NOL4: variants seen among roughly 807,000 people sequenced by gnomAD.
The protein encoded by NOL4 is nucleolar protein 4.
NOL4 carries 17 observed loss-of-function variants against 75.9 expected under a neutral mutation model. The ratio of observed to expected loss-of-function variants is 0.22; its 90% CI spans 0.15 to 0.34. The LOEUF (loss-of-function observed/expected upper bound fraction) is 0.34, where lower values mean the gene tolerates loss of function less well. Among genes scored for constraint, NOL4 ranks in the 10% least tolerant of loss-of-function variants. NOL4 has a pLI of 1.00. For missense variants in NOL4, 614 were observed against 793.5 expected (o/e 0.77, Z 2.72); for synonymous variants, 292 against 289.9 (o/e 1.01, Z -0.07).
chr18:34,016,969 A>C (rs1283584749), intron 6 of NOL4, among the ~76,000 whole-genome samples: 1 of 152,102 alleles, frequency 6.6e-6, no homozygotes, highest in Non-Finnish European at 1.5e-5. Flanking sequence ...TGAGGAAGTG[A>C]TAAAATCATA....
chr18:34,021,209 T>C (rs559473561), intron 5 of NOL4, among the ~76,000 whole-genome samples: 2 of 152,272 alleles, frequency 1.3e-5, no homozygotes, highest in South Asian at 4.1e-4. Flanking sequence ...AAAACAAACA[T>C]GCTATTAAAA....
chr18:33,966,634 T>C (rs1273434311), intron 6 of NOL4, among the ~76,000 whole-genome samples: 2 of 152,114 alleles, frequency 1.3e-5, no homozygotes, highest in Non-Finnish European at 2.9e-5. Flanking sequence ...ATCAGTAGCA[T>C]TTTTACACAC....
chr18:34,034,039 T>G (rs1600330831), intron 5 of NOL4, among the ~76,000 whole-genome samples: 1 of 152,074 alleles, frequency 6.6e-6, no homozygotes, highest in East Asian at 1.9e-4. Flanking sequence ...CGAGAAATGC[T>G]CAAGGCAGTC....
At chr18:34,199,568 C>T (rs2035587136) in intron 1 of NOL4, among the ~76,000 whole-genome samples, 1 of 151,832 alleles carries the variant, frequency 6.6e-6, no homozygotes, top group Admixed American at 6.6e-5. Flanking sequence ...TGTATCCCAG[C>T]CCAAACCATA....
intron 5 of NOL4, among the ~76,000 whole-genome samples, chr18:34,056,343 A>G (rs1457401338): frequency 6.6e-6 from 1 of 152,096 alleles, no homozygotes; most frequent in Non-Finnish European, 1.5e-5. Flanking sequence ...AACGTTTCTG[A>G]GGATGTTTCT....
At chr18:34,024,571 A>G (rs2075251192) in intron 5 of NOL4, among the ~76,000 whole-genome samples, 1 of 151,824 alleles carries the variant, frequency 6.6e-6, no homozygotes, top group Non-Finnish European at 1.5e-5. Flanking sequence ...AAAACAAACA[A>G]CAACAACAAC....
intron 6 of NOL4, among the ~76,000 whole-genome samples, chr18:33,978,602 A>G (rs984788521): frequency 2.0e-5 from 3 of 152,118 alleles, no homozygotes; most frequent in Non-Finnish European, 4.4e-5. Flanking sequence ...GTATTAATTT[A>G]GATGTATAAT....
At chr18:34,143,881 A>AG in intron 1 of NOL4, among the ~76,000 whole-genome samples, 1 of 151,902 alleles carries the variant, frequency 6.6e-6, no homozygotes, top group African/African-American at 2.4e-5. Flanking sequence ...AAAAAAAAAA[A>AG]AAAAACCTGA....
intron 5 of NOL4, among the ~76,000 whole-genome samples, chr18:34,058,507 C>A (rs1444129392): frequency 6.6e-6 from 1 of 152,150 alleles, no homozygotes; most frequent in African/African-American, 2.4e-5. Flanking sequence ...CTAAAATTTT[C>A]TCCTGCTGGC....
At chr18:34,121,416 T>G (rs988503464) in intron 2 of NOL4, 1 of 152,222 alleles carries the variant, frequency 6.6e-6, no homozygotes, top group African/African-American at 2.4e-5. Flanking sequence ...TGTTAAAGTT[T>G]ACCTTTCTTA....
chr18:34,163,368 A>C (rs1462017263), intron 1 of NOL4, among the ~76,000 whole-genome samples: 1 of 151,640 alleles, frequency 6.6e-6, no homozygotes, highest in African/African-American at 2.4e-5. Flanking sequence ...AAATCTCCTT[A>C]AGCTGATAGG....
intron 10 of NOL4, among the ~76,000 whole-genome samples, chr18:33,882,335 C>A (rs1467559701): frequency 6.6e-6 from 1 of 152,024 alleles, no homozygotes; most frequent in African/African-American, 2.4e-5. Flanking sequence ...CCAGAATCTA[C>A]AATGAACTCA....
chr18:34,181,222 C>T (rs574482385), intron 1 of NOL4, among the ~76,000 whole-genome samples: 1 of 151,580 alleles, frequency 6.6e-6, no homozygotes, highest in South Asian at 2.1e-4. Context: ...CGAAGATAGA[C>T]ATGTAGATCA....
intron 5 of NOL4, among the ~76,000 whole-genome samples, chr18:34,055,859 T>A (rs2076813743): frequency 6.6e-6 from 1 of 152,118 alleles, no homozygotes. Flanking sequence ...TAAAGTTCAC[T>A]GATTTTTTCA....
intron 2 of NOL4, among the ~76,000 whole-genome samples, chr18:34,128,697 A>T (rs955827143): frequency 1.3e-5 from 2 of 151,994 alleles, no homozygotes; most frequent in African/African-American, 4.8e-5. Context: ...GCCAAGAAAC[A>T]AAACCATAGA....
At chr18:34,127,061 A>G (rs2080420128) in intron 2 of NOL4, among the ~76,000 whole-genome samples, 1 of 151,948 alleles carries the variant, frequency 6.6e-6, no homozygotes, top group South Asian at 2.1e-4. Flanking sequence ...GCCTTTACAT[A>G]TTCCTAAAAT....
intron 9 of NOL4, among the ~76,000 whole-genome samples, chr18:33,935,979 T>A (rs929030454): frequency 6.6e-6 from 1 of 152,160 alleles, no homozygotes; most frequent in African/African-American, 2.4e-5. Flanking sequence ...CCATATCTTG[T>A]TAATATCACA....
intron 6 of NOL4, among the ~76,000 whole-genome samples, chr18:33,982,870 C>T (rs1477944283): frequency 1.3e-5 from 2 of 151,162 alleles, no homozygotes; most frequent in Non-Finnish European, 2.9e-5. Context: ...CCTGCCTTAG[C>T]CTCCCACGTA....
chr18:34,071,797 T>C (rs1183472473), intron 5 of NOL4, among the ~76,000 whole-genome samples: 1 of 152,190 alleles, frequency 6.6e-6, no homozygotes, highest in Non-Finnish European at 1.5e-5. Context: ...TTTCAATTTA[T>C]AATGGGTTTA....
Sources: allele counts gnomAD v4.1 joint callset (sites outside exome capture counted in the v4.1 genomes callset), GRCh38; gene constraint gnomAD v4.1.1; transcripts MANE v1.5; gene names NCBI Gene and HGNC (gene_info 2026-07-23, HGNC 2026-07-21).